Variants in LDB2 observed in about 807,000 individuals in gnomAD.
The protein encoded by LDB2 is LIM domain-binding protein 2.
A neutral mutation model predicts 44.3 loss-of-function variants in LDB2; 12 were observed. The observed-to-expected ratio is 0.27, with a 90% CI of 0.17 to 0.44. The LOEUF is 0.44. LDB2 is among the 20% of genes least tolerant of loss of function. The pLI is 1.00. For synonymous variants in LDB2, 164 were observed against 174.8 expected (o/e 0.94, Z 0.49); for missense variants, 344 against 473.5 (o/e 0.73, Z 2.54).
intron 5 of LDB2, among the ~76,000 whole-genome samples, chr4:16,542,084 C>CA (rs35103226): frequency 0.24 from 30,329 of 126,622 alleles, 4,904 homozygotes; most frequent in African/African-American, 0.47. Flanking sequence ...AATCCTCCTT[C>CA]CAATTACATC....
intron 5 of LDB2, among the ~76,000 whole-genome samples, chr4:16,554,733 T>C (rs1229102035): frequency 6.6e-6 from 1 of 152,124 alleles, no homozygotes; most frequent in Admixed American, 6.5e-5. Context: ...ATGGAGACAG[T>C]AAAAAGATCA....
At chr4:16,816,983 C>T (rs1047825660) in intron 1 of LDB2, among the ~76,000 whole-genome samples, 3 of 152,100 alleles carry the variant, frequency 2.0e-5, no homozygotes, top group Admixed American at 1.3e-4. Flanking sequence ...TTGCACCCCC[C>T]ACCCTGTATT....
chr4:16,868,709 A>G (rs1322305295), intron 1 of LDB2, among the ~76,000 whole-genome samples: 1 of 152,234 alleles, frequency 6.6e-6, no homozygotes, highest in African/African-American at 2.4e-5. Context: ...TGTTATTCAC[A>G]TAGGACACCA....
At position 16,734,984 on chromosome 4, in the gene LDB2, C is replaced by T. The variant is rs1163660761; in HGVS notation, c.235+24174G>A. Among the ~76,000 whole-genome samples the T allele has an allele frequency of 3.3e-5, 5 of 152,292 alleles. No homozygotes were observed. In the East Asian group the frequency reaches 9.7e-4, roughly 29 times the overall value. On this transcript the variant is annotated intron_variant, in intron 2 of 7. Transcript: ENST00000304523. Reference sequence around the variant, plus strand: ...TCTGCCTCCCAAAGTGCTGGGATTACAGGCATGAGCAACCAGACCTGGCCA... The same window carrying T: ...TCTGCCTCCCAAAGTGCTGGGATTATAGGCATGAGCAACCAGACCTGGCCA...
At chr4:16,511,378 T>C (rs946894355) in intron 6 of LDB2, among the ~76,000 whole-genome samples, 3 of 152,170 alleles carry the variant, frequency 2.0e-5, no homozygotes, top group Non-Finnish European at 4.4e-5. Flanking sequence ...AACTGCATTC[T>C]AGGGAAGTGA....
At chr4:16,607,670 A>G (rs1475138956) in intron 2 of LDB2, among the ~76,000 whole-genome samples, 1 of 152,196 alleles carries the variant, frequency 6.6e-6, no homozygotes, top group East Asian at 1.9e-4. Context: ...CTGTTTATGC[A>G]CAGATTTGGG....
intron 2 of LDB2, among the ~76,000 whole-genome samples, chr4:16,700,948 T>C (rs1477016939): frequency 1.3e-5 from 2 of 152,224 alleles, no homozygotes; most frequent in Non-Finnish European, 2.9e-5. Flanking sequence ...TCATTTTGCA[T>C]TGAGTGTGTG....
intron 1 of LDB2, among the ~76,000 whole-genome samples, chr4:16,852,236 A>C (rs1256220027): frequency 1.3e-5 from 2 of 152,180 alleles, no homozygotes; most frequent in Non-Finnish European, 2.9e-5. Flanking sequence ...TCCATCTCTT[A>C]CCCAGAACAT....
In LDB2 at chr4:16,535,261, G is replaced by A. The variant is rs561703489; in HGVS notation, c.616-23157C>T. On this transcript the variant is annotated intron_variant, in intron 5 of 7. Transcript: ENST00000304523. ...GATACAATATAAAAGGCACAGATGC[G>A]ATTTAGGGGTAGGAAGACATGCGTA... Among the ~76,000 whole-genome samples the A allele has an allele frequency of 2.6e-3, 398 of 152,256 alleles. 1 individual carries two copies. The highest frequency in any genetic ancestry group is 6.8e-3 in the Middle Eastern group (2 of 294).
Position 16,502,387 on chromosome 4 carries a change from C to CATT in LDB2, c.*253_*255dup, listed in dbSNP as rs1717744545. The CATT allele has an allele frequency of 2.1e-6, 1 of 476,964 alleles. No individual in the cohort carries two copies. Among genetic ancestry groups the CATT allele is most frequent in the Non-Finnish European group, 3.7e-6 (1 of 268,688 alleles). The allele number at this position is 476,964 out of a possible 1,614,324, so 29.5% of individuals were successfully genotyped here. ...CAGAAGATGCGCTAGAGTTTTCTCTCATTTTAATTACAATCAGTGCCAGTA... is the reference window on the plus strand; with the variant it reads ...CAGAAGATGCGCTAGAGTTTTCTCTCATTATTTTAATTACAATCAGTGCCAGTA... On this transcript the variant is annotated 3_prime_UTR_variant, in exon 8 of 8. Coordinates refer to ENST00000304523, the MANE Select transcript of LDB2 (RefSeq NM_001290.5).
intron 1 of LDB2, among the ~76,000 whole-genome samples, chr4:16,853,833 G>T (rs181821113): frequency 5.3e-5 from 8 of 152,202 alleles, no homozygotes; most frequent in Admixed American, 5.2e-4. Flanking sequence ...CTACAGCATG[G>T]ATGAGCCTGG....
chr4:16,850,125 G>A (rs532563475), intron 1 of LDB2, among the ~76,000 whole-genome samples: 6 of 152,190 alleles, frequency 3.9e-5, no homozygotes, highest in Non-Finnish European at 5.9e-5. Flanking sequence ...GCATTAGAAA[G>A]AGGGCCTCTG....
chr4:16,713,364 C>CT (rs113233590), intron 2 of LDB2, among the ~76,000 whole-genome samples: 7,411 of 112,598 alleles, frequency 0.066, 654 homozygotes, highest in African/African-American at 0.21. Context: ...AATAGTAAAG[C>CT]TTTTTTTTTT....
rs58989204 is a variant in LDB2, at chr4:16,725,887, G to GTA, written c.235+33269_235+33270dup. On this transcript the variant is annotated intron_variant, in intron 2 of 7. Transcript: ENST00000304523. ...TGTGCATGTATATATATATTTATGTGTATATATATATATATTATGTATATA... is the reference window on the plus strand; with the variant it reads ...TGTGCATGTATATATATATTTATGTGTATATATATATATATATTATGTATATA... 5.5e-3 allele frequency among the ~76,000 whole-genome samples: 806 copies of GTA among 146,128 alleles called. 8 individuals carry two copies. The highest frequency in any genetic ancestry group is 0.017 in the African/African-American group (667 of 40,184).
At chr4:16,741,009 A>T (rs940047522) in intron 2 of LDB2, among the ~76,000 whole-genome samples, 1 of 152,230 alleles carries the variant, frequency 6.6e-6, no homozygotes, top group Non-Finnish European at 1.5e-5. Flanking sequence ...AAAAAAATGC[A>T]TTCACTTTCT....
At chr4:16,747,303 C>G (rs139723118) in intron 2 of LDB2, among the ~76,000 whole-genome samples, 1 of 152,036 alleles carries the variant, frequency 6.6e-6, no homozygotes, top group Admixed American at 6.5e-5. Context: ...AATAGAGCTC[C>G]AAGTACTAAA....
Position 16,612,903 on chromosome 4 carries a change from C to T in LDB2, c.236-17028G>A, listed in dbSNP as rs1018003474. ...AACCGGGAAGAGACAGAATAAAAAA[C>T]GAAAACTTTAGGCCAATAACCCTGA... On this transcript the variant is annotated intron_variant, in intron 2 of 7. Transcript: ENST00000304523. Among the ~76,000 whole-genome samples the T allele has an allele frequency of 1.2e-4, 19 of 152,150 alleles. No individual in the cohort carries two copies. In the South Asian group the frequency reaches 2.7e-3, roughly 22 times the overall value.
chr4:16,515,849 T>A (rs145051128), intron 5 of LDB2, among the ~76,000 whole-genome samples: 2 of 132,034 alleles, frequency 1.5e-5, no homozygotes, highest in African/African-American at 2.6e-5. Context: ...TATTTATTTA[T>A]TTTATTATTT....
At chr4:16,707,267 T>C (rs2152649844) in intron 2 of LDB2, among the ~76,000 whole-genome samples, 1 of 152,298 alleles carries the variant, frequency 6.6e-6, no homozygotes, top group East Asian at 1.9e-4. Context: ...ATAGGACTAC[T>C]ATCTTTCTAT....
Sources: gnomAD v4.1 joint callset for allele counts (sites outside exome capture counted in the v4.1 genomes callset) on GRCh38, gnomAD v4.1.1 for gene constraint, MANE v1.5 for transcripts, NCBI Gene and HGNC (gene_info 2026-07-23, HGNC 2026-07-21) for gene names.